IL31RA: variants seen among roughly 807,000 people sequenced by gnomAD.
The protein encoded by IL31RA is interleukin 31 receptor A, also known as interleukin-31 receptor subunit alpha.
A neutral mutation model predicts 83.7 loss-of-function variants in IL31RA; 66 were observed. The ratio of observed to expected loss-of-function variants is 0.79; its 90% CI spans 0.65 to 0.97. The LOEUF is 0.97. IL31RA is among the 50% of genes least tolerant of loss of function. IL31RA has a pLI of 0.00. For missense variants in IL31RA, 798 were observed against 919.4 expected (o/e 0.87, Z 1.71); for synonymous variants, 325 against 329.0 (o/e 0.99, Z 0.13).
At chr5:55,904,868 G>A (rs1397797743) in intron 8 of IL31RA, among the ~76,000 whole-genome samples, 2 of 134,102 alleles carry the variant, frequency 1.5e-5, no homozygotes, top group East Asian at 2.1e-4. Context: ...ACACTTTTGT[G>A]CCTGTATCCA....
chr5:55,898,110 G>A (rs1748541426), intron 7 of IL31RA, among the ~76,000 whole-genome samples: 1 of 152,218 alleles, frequency 6.6e-6, no homozygotes, highest in Admixed American at 6.5e-5. Context: ...ATGCTGTGCT[G>A]TCTTTCTCAG....
chr5:55,847,115 C>T (rs1401325353), upstream of IL31RA, among the ~76,000 whole-genome samples: 4 of 150,262 alleles, frequency 2.7e-5, no homozygotes, highest in Admixed American at 6.7e-5. Flanking sequence ...TGGTGGTGTG[C>T]ACCTGTAGTC....
intron 1 of IL31RA, among the ~76,000 whole-genome samples, chr5:55,854,081 G>A (rs576994508): frequency 6.6e-6 from 1 of 152,192 alleles, no homozygotes; most frequent in East Asian, 1.9e-4. Flanking sequence ...CTAGAGATGA[G>A]TAATACAAAC....
intron 5 of IL31RA, among the ~76,000 whole-genome samples, chr5:55,885,621 T>C (rs1309032753): frequency 6.6e-6 from 1 of 152,206 alleles, no homozygotes; most frequent in Non-Finnish European, 1.5e-5. Context: ...TTTCCTCATC[T>C]ACACAAAAGC....
chr5:55,852,643 T>C (rs973203206), intron 1 of IL31RA, among the ~76,000 whole-genome samples: 2 of 152,200 alleles, frequency 1.3e-5, no homozygotes, highest in Non-Finnish European at 2.9e-5. Context: ...TTTTCTTTCC[T>C]TTTGCATCAT....
intron 4 of IL31RA, among the ~76,000 whole-genome samples, chr5:55,879,435 T>TTTTTTTTTTTTTTTTG: frequency 8.5e-6 from 1 of 118,004 alleles, no homozygotes; most frequent in Non-Finnish European, 1.7e-5. Context: ...CTTTTTTTTT[T>TTTTTTTTTTTTTTTTG]TTTTTTTTTT....
rs1393725121 is a variant in IL31RA at position 55,863,415 on chromosome 5, G to A, written c.154+3816G>A. 2.6e-5 allele frequency among the ~76,000 whole-genome samples: 4 copies of A among 152,286 alleles called. No individual in the cohort carries two copies. In the East Asian group the frequency reaches 7.7e-4, roughly 29 times the overall value. On this transcript the variant is annotated intron_variant, in intron 2 of 14. Transcript: ENST00000652347. ...TACATGTCCATCACAGGTAAGCAGG[G>A]GCTCAGGCTGGTGGGGCTCTGCTAT...
intron 4 of IL31RA, among the ~76,000 whole-genome samples, chr5:55,873,136 C>G (rs1449407662): frequency 6.6e-6 from 1 of 152,106 alleles, no homozygotes; most frequent in African/African-American, 2.4e-5. Flanking sequence ...ATGGATTTGC[C>G]TATACATTTT....
At chr5:55,876,300 G>A (rs959945514) in intron 4 of IL31RA, among the ~76,000 whole-genome samples, 2 of 152,078 alleles carry the variant, frequency 1.3e-5, no homozygotes, top group Admixed American at 6.6e-5. Context: ...CAGCTACTCG[G>A]GAGGCTGAGG....
In IL31RA at chr5:55,867,230, TG is replaced by T. The variant is rs1330479169; in HGVS notation, c.155-1560del. The stretch of plus-strand genomic sequence containing the variant: ...GTGTGCGCATGTGTGTTTGTGTGTG[TG>T]TTTGTGTGTGTGTTTGTGTGTGCGT... On this transcript the variant is annotated intron_variant, in intron 2 of 14. Transcript: ENST00000652347. Among the ~76,000 whole-genome samples the T allele has an allele frequency of 1.4e-3, 171 of 121,596 alleles. 2 individuals are homozygous for T. Among genetic ancestry groups the T allele is most frequent in the Middle Eastern group, 3.9e-3 (1 of 258 alleles). The allele number at this position is 121,596 out of a possible 152,430, so 79.8% of individuals were successfully genotyped here.
intron 1 of IL31RA, among the ~76,000 whole-genome samples, chr5:55,852,854 T>C (rs1745141884): frequency 6.6e-6 from 1 of 152,222 alleles, no homozygotes; most frequent in African/African-American, 2.4e-5. Flanking sequence ...TTGACCTCAG[T>C]TTCCTTGCCT....
At chr5:55,902,500 G>T (rs1172318405) in intron 8 of IL31RA, 1 of 151,150 alleles carries the variant, frequency 6.6e-6, no homozygotes, top group Non-Finnish European at 1.5e-5. Context: ...AGCCAGGCCT[G>T]GTGGCATGTG....
At chr5:55,908,205 G>A in intron 10 of IL31RA, 60 bp from the exon 11 acceptor site, 2 of 1,609,652 alleles carry the variant, frequency 1.2e-6, no homozygotes, top group South Asian at 1.1e-5. Flanking sequence ...GGCCTTTGTG[G>A]GGGAACGATC....
intron 2 of IL31RA, among the ~76,000 whole-genome samples, chr5:55,867,580 C>A (rs1331549231): frequency 6.6e-6 from 1 of 151,840 alleles, no homozygotes; most frequent in Non-Finnish European, 1.5e-5. Flanking sequence ...TAATTTAGGT[C>A]TAATATTAAT....
At chr5:55,886,446 T>C (rs1268918425) in intron 5 of IL31RA, among the ~76,000 whole-genome samples, 1 of 151,954 alleles carries the variant, frequency 6.6e-6, no homozygotes, top group Non-Finnish European at 1.5e-5. Flanking sequence ...GCTAATTTTT[T>C]GTATTTTTAG....
the IL31RA span, among the ~76,000 whole-genome samples, chr5:55,845,489 G>A: frequency 3.2e-5 from 3 of 94,188 alleles, no homozygotes; most frequent in South Asian, 1.2e-3. Context: ...GTCTTGAATT[G>A]TAATCCTTGT....
In IL31RA at chr5:55,919,215, C is replaced by G. The variant is rs1749971098; in HGVS notation, c.*2095C>G. On this transcript the variant is annotated 3_prime_UTR_variant, in exon 15 of 15. Coordinates refer to ENST00000652347, the MANE Select transcript of IL31RA (RefSeq NM_139017.7). ...CAGCTGTTCTTTCAACCCTCCTGCC[C>G]ACCTGTAGTTGGGGGAATTTTCTCA... is the stretch of plus-strand genomic sequence containing the variant. 6.6e-6 allele frequency among the ~76,000 whole-genome samples: 1 copy of G among 152,194 alleles called. No individual in the cohort carries two copies. Among genetic ancestry groups the G allele is most frequent in the Non-Finnish European group, 1.5e-5 (1 of 68,044 alleles).
Position 55,922,328 on chromosome 5 carries a change from G to T in IL31RA, c.*5208G>T. ...AGAACTCCACAAGAGGGCAAAACCT[G>T]CTGTCAGCAATGCTCTCGTGGCTGT... On this transcript the variant is annotated 3_prime_UTR_variant, in exon 15 of 15. Transcript: ENST00000652347. The T allele has an allele frequency of 7.2e-7, 1 of 1,380,300 alleles. No homozygotes were observed. The highest frequency in any genetic ancestry group is 1.0e-6 in the Non-Finnish European group (1 of 991,306). The allele number at this position is 1,380,300 out of a possible 1,614,324, so 85.5% of individuals were successfully genotyped here.
intron 2 of IL31RA, among the ~76,000 whole-genome samples, chr5:55,867,594 T>G (rs1464673819): frequency 1.3e-5 from 2 of 152,146 alleles, no homozygotes; most frequent in Non-Finnish European, 2.9e-5. Context: ...TATTAATAAT[T>G]ACCTTAATTC....
Sources: allele counts gnomAD v4.1 joint callset (sites outside exome capture counted in the v4.1 genomes callset), GRCh38; gene constraint gnomAD v4.1.1; transcripts MANE v1.5; gene names NCBI Gene and HGNC (gene_info 2026-07-23, HGNC 2026-07-21).